The following MALRD1 variants were observed in gnomAD, a reference collection of about 807,000 sequenced individuals.
MALRD1 encodes the protein MAM and LDL receptor class A domain containing 1, also known as MAM and LDL-receptor class A domain-containing protein 1.
MALRD1 carries 247 observed loss-of-function variants against 242.1 expected under a neutral mutation model. That is an observed-to-expected ratio of 1.02 (90% CI 0.92 to 1.13). The LOEUF (loss-of-function observed/expected upper bound fraction) is 1.13. Among genes scored for constraint, MALRD1 ranks in the 50% most tolerant of loss-of-function variants. The probability of loss-of-function intolerance (pLI) is 0.00; values close to 1 mark genes in which losing one functional copy is unlikely to be tolerated. For synonymous variants in MALRD1, 995 were observed against 866.6 expected, an observed-to-expected ratio of 1.15 and a Z score of -2.60; for missense variants, 2,989 against 2,533.1, an observed-to-expected ratio of 1.18 and a Z score of -3.86.
Position 19,268,603 on chromosome 10 carries a change from A to G in MALRD1, c.3079+10832A>G, listed in dbSNP as rs139412303. Among the ~76,000 whole-genome samples the G allele has an allele frequency of 2.1e-4, 32 of 152,300 alleles. No individual in the cohort carries two copies. In the South Asian group the frequency reaches 2.7e-3, roughly 13 times the overall value. ...AGGGAAAACGTATACGTTGTTAGCT[A>G]CAGGTAGATATAAAGTACAATGATT... On this transcript the variant is annotated intron_variant, in intron 19 of 39. Coordinates refer to ENST00000454679, the MANE Select transcript of MALRD1 (RefSeq NM_001142308.3).
At chr10:19,286,299 G>T (rs1307334041) in intron 21 of MALRD1, among the ~76,000 whole-genome samples, 2 of 146,190 alleles carry the variant, frequency 1.4e-5, no homozygotes, top group Non-Finnish European at 3.0e-5. Flanking sequence ...TGTTGAATAG[G>T]AGCAGTGAGA....
intron 28 of MALRD1, among the ~76,000 whole-genome samples, chr10:19,442,008 T>C (rs540580214): frequency 2.0e-5 from 3 of 152,318 alleles, no homozygotes; most frequent in South Asian, 2.1e-4. Flanking sequence ...TTTTATTTCA[T>C]TGAGCATTGG....
intron 36 of MALRD1, among the ~76,000 whole-genome samples, chr10:19,622,182 A>T (rs139273570): frequency 1.4e-5 from 2 of 142,922 alleles, no homozygotes; most frequent in East Asian, 2.1e-4. Flanking sequence ...AAAAAAAATT[A>T]TTAAGAATCA....
chr10:19,540,507 T>G (rs761217140), intron 32 of MALRD1, among the ~76,000 whole-genome samples: 4 of 152,188 alleles, frequency 2.6e-5, no homozygotes, highest in Non-Finnish European at 5.9e-5. Flanking sequence ...TTTCTAATAA[T>G]AGAGGAAATG....
At position 19,324,124 on chromosome 10, in the gene MALRD1, C is replaced by G; in HGVS notation, c.3576+19C>G. The G allele has an allele frequency of 2.6e-6, 4 of 1,542,798 alleles. No homozygotes were observed. The highest frequency in any genetic ancestry group is 3.5e-6 in the Non-Finnish European group (4 of 1,143,122). ...TCTCCAGGTACTGCTTAGGCAATCA[C>G]ATTTTCTGAATTTTCTCTCTAAAAG... On this transcript the variant is annotated intron_variant, in intron 22 of 39. Coordinates refer to ENST00000454679, the MANE Select transcript of MALRD1 (RefSeq NM_001142308.3).
At chr10:19,119,254 A>G (rs1334489576) in intron 5 of MALRD1, among the ~76,000 whole-genome samples, 1 of 152,152 alleles carries the variant, frequency 6.6e-6, no homozygotes, top group Non-Finnish European at 1.5e-5. Context: ...TTATGTTGAG[A>G]AAAATCAGAG....
intron 29 of MALRD1, among the ~76,000 whole-genome samples, chr10:19,487,827 C>T (rs2131202785): frequency 6.6e-6 from 1 of 152,140 alleles, no homozygotes; most frequent in East Asian, 1.9e-4. Flanking sequence ...GATGTTCTTT[C>T]TTCAGTCTTC....
chr10:19,374,205 G>T (rs146932747), intron 26 of MALRD1, among the ~76,000 whole-genome samples: 1 of 152,116 alleles, frequency 6.6e-6, no homozygotes, highest in Non-Finnish European at 1.5e-5. Context: ...TGCATGCATA[G>T]TACAATGAAG....
In MALRD1 at chr10:19,204,920, G is replaced by A; in HGVS notation, c.2233G>A (p.Val745Met). 1 of 1,549,012 alleles carries A rather than the reference G, an allele frequency of 6.5e-7. No homozygotes were observed. The highest frequency in any genetic ancestry group is 8.7e-7 in the Non-Finnish European group (1 of 1,145,732). Residue 745 changes from valine (V) to methionine (M), a missense_variant, in exon 17 of 40, where the codon GTG becomes ATG. Physicochemically the swap from Val to Met is conservative, Grantham distance 21. Coordinates refer to ENST00000454679, the MANE Select transcript of MALRD1 (RefSeq NM_001142308.3). Reference sequence around the variant, plus strand: ...TAGGTTCTATAACTATGGCCTGTCAGTGGGAGCAGCTGAGCTGCAGCTACA... The same window carrying A: ...TAGGTTCTATAACTATGGCCTGTCAATGGGAGCAGCTGAGCTGCAGCTACA... ...SFWFYNYGLS[V>M]GAAELQLHME...
intron 29 of MALRD1, among the ~76,000 whole-genome samples, chr10:19,473,229 G>A (rs1306156887): frequency 3.3e-5 from 5 of 150,744 alleles, no homozygotes; most frequent in African/African-American, 7.3e-5. Flanking sequence ...AGGTTATGAC[G>A]TATACCCTGC....
chr10:19,297,548 T>C (rs1409881976), intron 21 of MALRD1, among the ~76,000 whole-genome samples: 7 of 151,942 alleles, frequency 4.6e-5, no homozygotes, highest in Non-Finnish European at 7.4e-5. Flanking sequence ...TACACTTTTA[T>C]AAGAATGTAG....
chr10:19,577,752 C>CATAT (rs568665337), intron 33 of MALRD1, among the ~76,000 whole-genome samples: 6 of 150,572 alleles, frequency 4.0e-5, no homozygotes, highest in East Asian at 1.9e-4. Flanking sequence ...TGTAACATAA[C>CATAT]ATATATATAT....
At chr10:19,156,320 C>G (rs1834143344) in intron 12 of MALRD1, among the ~76,000 whole-genome samples, 1 of 151,054 alleles carries the variant, frequency 6.6e-6, no homozygotes, top group South Asian at 2.1e-4. Flanking sequence ...TTTTTCTTCC[C>G]ATTTCTTTGT....
At chr10:19,166,015 A>T (rs539174647) in intron 13 of MALRD1, among the ~76,000 whole-genome samples, 1 of 152,234 alleles carries the variant, frequency 6.6e-6, no homozygotes, top group African/African-American at 2.4e-5. Flanking sequence ...TTCAACATTA[A>T]TGAAGCAAAC....
intron 28 of MALRD1, among the ~76,000 whole-genome samples, chr10:19,406,978 C>T (rs1763023958): frequency 6.6e-6 from 1 of 152,106 alleles, no homozygotes; most frequent in Admixed American, 6.6e-5. Context: ...ATACCTTCCA[C>T]CACCAAACAC....
Position 19,631,931 on chromosome 10 carries a change from G to A in MALRD1, c.6137+16008G>A, listed in dbSNP as rs539653608. ...TGCAAAGATTTTCTCCCATTCTGTA[G>A]GATGTTTGTTTACTCTGTTGATAGT... On this transcript the variant is annotated intron_variant, in intron 36 of 39. Transcript: ENST00000454679. Among the ~76,000 whole-genome samples, 4 of 152,240 alleles carry A rather than the reference G, an allele frequency of 2.6e-5. 1 individual carries two copies. In the South Asian group the frequency reaches 8.3e-4, roughly 32 times the overall value.
chr10:19,262,513 G>A (rs1303588919), intron 19 of MALRD1, among the ~76,000 whole-genome samples: 1 of 151,924 alleles, frequency 6.6e-6, no homozygotes, highest in Non-Finnish European at 1.5e-5. Flanking sequence ...AAAGTTAGCT[G>A]GGCATGGTGG....
At chr10:19,379,764 T>C (rs1225161650) in intron 26 of MALRD1, among the ~76,000 whole-genome samples, 1 of 152,134 alleles carries the variant, frequency 6.6e-6, no homozygotes, top group East Asian at 1.9e-4. Flanking sequence ...TCTTGTTTGG[T>C]GTAGTGTTAT....
chr10:19,454,095 A>G (rs1835485465), intron 29 of MALRD1, among the ~76,000 whole-genome samples: 1 of 152,080 alleles, frequency 6.6e-6, no homozygotes, highest in Admixed American at 6.6e-5. Context: ...AAAGATGGCA[A>G]TTGTAGTGGC....
Sources: gnomAD v4.1 joint callset for allele counts (sites outside exome capture counted in the v4.1 genomes callset) on GRCh38, gnomAD v4.1.1 for gene constraint, MANE v1.5 for transcripts, NCBI Gene and HGNC (gene_info 2026-07-23, HGNC 2026-07-21) for gene names.